Variants in MCPH1 observed in about 807,000 individuals in gnomAD.
MCPH1 encodes the protein microcephalin 1, also known as microcephalin.
MCPH1 carries 104 observed loss-of-function variants against 84.5 expected under a neutral mutation model. That is an observed-to-expected ratio of 1.23 (90% CI 1.05 to 1.45). The LOEUF is 1.45. Among genes scored for constraint, MCPH1 ranks in the 40% most tolerant of loss-of-function variants. The probability of loss-of-function intolerance (pLI) is 0.00; values close to 1 mark genes in which losing one functional copy is unlikely to be tolerated. For synonymous variants in MCPH1, 514 were observed against 366.8 expected (o/e 1.40, Z -4.58); for missense variants, 1,498 against 1,005.7 (o/e 1.49, Z -6.62).
intron 3 of MCPH1, among the ~76,000 whole-genome samples, chr8:6,430,959 A>C (rs899359485): frequency 2.6e-5 from 4 of 152,202 alleles, no homozygotes; most frequent in Admixed American, 6.5e-5. Context: ...GGACAGGAGA[A>C]ATGGCAGGTG....
At position 6,414,897 on chromosome 8, in the gene MCPH1, CTCTT is replaced by C; in HGVS notation, c.233+15_233+18del. On this transcript the variant is annotated intron_variant, in intron 3 of 13. Coordinates refer to ENST00000344683, the MANE Select transcript of MCPH1 (RefSeq NM_024596.5). ...CTGGGTGGAAAAGTAAGCAGTTTCT[CTCTT>C]ACTTTTTTTCCTTAAGTATCTAGTA... is the stretch of plus-strand genomic sequence containing the variant. 1 of 1,612,388 alleles carries C rather than the reference CTCTT, an allele frequency of 6.2e-7. No individual in the cohort carries two copies. Among genetic ancestry groups the C allele is most frequent in the Non-Finnish European group, 8.5e-7 (1 of 1,179,110 alleles).
At chr8:6,543,734 A>T (rs1822027132) in intron 12 of MCPH1, among the ~76,000 whole-genome samples, 1 of 152,130 alleles carries the variant, frequency 6.6e-6, no homozygotes, top group Admixed American at 6.5e-5. Context: ...GGATGAGATG[A>T]TCTGTCCCTT....
At chr8:6,465,920 T>TGTCGATCCATCC (rs1325841568) in intron 9 of MCPH1, among the ~76,000 whole-genome samples, 1 of 92,044 alleles carries the variant, frequency 1.1e-5, no homozygotes, top group African/African-American at 3.8e-5. Context: ...CAATTTTATC[T>TGTCGATCCATCC]ATCGATCCAT....
chr8:6,561,099 G>A (rs1379833905), intron 12 of MCPH1, among the ~76,000 whole-genome samples: 1 of 152,196 alleles, frequency 6.6e-6, no homozygotes, highest in Non-Finnish European at 1.5e-5. Flanking sequence ...GATATAGTTT[G>A]CCTTCCACAT....
In MCPH1 at chr8:6,643,370, T is replaced by C; in HGVS notation, c.*321T>C. ...ACCTCCACCTCCCAGGTTCAAGCGA[T>C]TCTGCTGCCTCAGCCTCCTGAGTAG... On this transcript the variant is annotated 3_prime_UTR_variant, in exon 14 of 14. Coordinates refer to ENST00000344683, the MANE Select transcript of MCPH1 (RefSeq NM_024596.5). 2.8e-6 allele frequency: 1 copy of C among 361,030 alleles called. No individual in the cohort carries two copies. The highest frequency in any genetic ancestry group is 5.2e-6 in the Non-Finnish European group (1 of 191,978). The allele number at this position is 361,030 out of a possible 1,614,324, so 22.4% of individuals were successfully genotyped here.
At chr8:6,601,619 C>T (rs1325018820) in intron 12 of MCPH1, among the ~76,000 whole-genome samples, 1 of 148,380 alleles carries the variant, frequency 6.7e-6, no homozygotes, top group African/African-American at 2.6e-5. Flanking sequence ...ACACACCACC[C>T]ACCCACATGC....
Position 6,414,639 on chromosome 8 carries a change from T to A in MCPH1, c.115-126T>A, listed in dbSNP as rs1279690295. On this transcript the variant is annotated intron_variant, in intron 2 of 13. Transcript: ENST00000344683. ...ATATGTTTTAAGCAGCGTTATGCAT[T>A]CCTTTGAGTGTTTCTCTGTCAGATG... is the stretch of plus-strand genomic sequence containing the variant. 7 of 988,936 alleles carry A rather than the reference T, an allele frequency of 7.1e-6. No individual in the cohort carries two copies. In the African/African-American group the frequency reaches 8.1e-5, roughly 11 times the overall value. 61.3% of individuals were successfully genotyped at this position (988,936 alleles called of 1,614,324 possible).
At chr8:6,552,557 T>A (rs1823839902) in intron 12 of MCPH1, among the ~76,000 whole-genome samples, 1 of 152,208 alleles carries the variant, frequency 6.6e-6, no homozygotes, top group Non-Finnish European at 1.5e-5. Context: ...TAATGTGAGA[T>A]ATAGTATAGA....
At chr8:6,433,197 T>A (rs1394863790) in intron 4 of MCPH1, among the ~76,000 whole-genome samples, 1 of 152,240 alleles carries the variant, frequency 6.6e-6, no homozygotes, top group Non-Finnish European at 1.5e-5. Flanking sequence ...GTACTTTTAG[T>A]CACTGTCAGT....
At chr8:6,639,450 C>T (rs1328906256) in intron 13 of MCPH1, among the ~76,000 whole-genome samples, 1 of 151,946 alleles carries the variant, frequency 6.6e-6, no homozygotes, top group South Asian at 2.1e-4. Context: ...TGCTTGATGC[C>T]GGGAGTTTGA....
Position 6,414,871 on chromosome 8 carries a change from T to C in MCPH1, c.221T>C (p.Leu74Pro), listed in dbSNP as rs1278624882. The C allele has an allele frequency of 1.9e-6, 3 of 1,611,254 alleles. No homozygotes were observed. Among genetic ancestry groups the C allele is most frequent in the Non-Finnish European group, 1.7e-6 (2 of 1,177,654 alleles). ...QKRGVKLVSV[L>P]WVEKCRTAGA... is the part of the protein sequence containing the mutation. ...AGAGGCGTAAAGCTCGTTTCGGTGC[T>C]CTGGGTGGAAAAGTAAGCAGTTTCT... Residue 74 changes from leucine (L) to proline (P), a missense_variant, in exon 3 of 14, where the codon CTC becomes CCC. Coordinates refer to ENST00000344683, the MANE Select transcript of MCPH1 (RefSeq NM_024596.5).
At chr8:6,587,389 A>T (rs191796016) in intron 12 of MCPH1, among the ~76,000 whole-genome samples, 1 of 152,006 alleles carries the variant, frequency 6.6e-6, no homozygotes. Context: ...CCCCAGCTTT[A>T]TGGGGTATAA....
At chr8:6,595,962 G>A (rs1399700936) in intron 12 of MCPH1, among the ~76,000 whole-genome samples, 2 of 152,334 alleles carry the variant, frequency 1.3e-5, no homozygotes, top group African/African-American at 2.4e-5. Context: ...AGCGTCAGAT[G>A]AAGAATTTAA....
At chr8:6,572,840 G>A (rs1826772800) in intron 12 of MCPH1, among the ~76,000 whole-genome samples, 1 of 152,254 alleles carries the variant, frequency 6.6e-6, no homozygotes, top group Admixed American at 6.5e-5. Context: ...GGGTAGTGCA[G>A]GAGGGAGCCC....
chr8:6,578,437 C>A (rs1827287539), intron 12 of MCPH1, among the ~76,000 whole-genome samples: 1 of 152,180 alleles, frequency 6.6e-6, no homozygotes, highest in Non-Finnish European at 1.5e-5. Flanking sequence ...GAACTAATAT[C>A]CATGTTTTCT....
chr8:6,611,115 C>T (rs990407347), intron 12 of MCPH1, among the ~76,000 whole-genome samples: 2 of 141,446 alleles, frequency 1.4e-5, no homozygotes, highest in African/African-American at 2.9e-5. Context: ...CACACACACT[C>T]TCTCACACAC....
intron 11 of MCPH1, among the ~76,000 whole-genome samples, chr8:6,486,287 T>TGG (rs1320220775): frequency 6.9e-6 from 1 of 145,944 alleles, no homozygotes. Context: ...TCTCTCTCTC[T>TGG]CTCTCTCTGG....
At chr8:6,624,224 T>A (rs2448613) in intron 13 of MCPH1, among the ~76,000 whole-genome samples, 1 of 152,266 alleles carries the variant, frequency 6.6e-6, no homozygotes, top group South Asian at 2.1e-4. Context: ...CTTCCAGGCC[T>A]GGGCCACAGG....
At chr8:6,419,743 C>T (rs542580873) in intron 3 of MCPH1, among the ~76,000 whole-genome samples, 2 of 152,034 alleles carry the variant, frequency 1.3e-5, no homozygotes, top group African/African-American at 4.8e-5. Context: ...AAGTGATCCA[C>T]TCACTCCAGC....
Sources: gnomAD v4.1 joint callset for allele counts (sites outside exome capture counted in the v4.1 genomes callset) on GRCh38, gnomAD v4.1.1 for gene constraint, MANE v1.5 for transcripts, NCBI Gene and HGNC (gene_info 2026-07-23, HGNC 2026-07-21) for gene names.